Variants in DELE1 observed in about 807,000 individuals in gnomAD.
The protein encoded by DELE1 is death ligand signal enhancer.
A neutral mutation model predicts 59.3 loss-of-function variants in DELE1; 54 were observed. The observed-to-expected ratio is 0.91, with a 90% CI of 0.73 to 1.14. The LOEUF (loss-of-function observed/expected upper bound fraction) is 1.14. Among genes scored for constraint, DELE1 ranks in the 50% most tolerant of loss-of-function variants. DELE1 has a pLI of 0.00. For synonymous variants in DELE1, 264 were observed against 259.1 expected, an observed-to-expected ratio of 1.02 and a Z score of -0.18; for missense variants, 636 against 643.9, an observed-to-expected ratio of 0.99 and a Z score of 0.13.
intron 11 of DELE1, among the ~76,000 whole-genome samples, 177 bp from the exon 12 acceptor site, chr5:141,938,344 T>C (rs537058075): frequency 1.5e-4 from 23 of 152,156 alleles, no homozygotes; most frequent in Admixed American, 2.6e-4. Flanking sequence ...AGAGACAATA[T>C]CCCAAGGTTG....
In DELE1 at chr5:141,934,312, C is replaced by T. The variant is rs768960289; in HGVS notation, c.970C>T (p.Leu324=). 1.2e-6 allele frequency: 2 copies of T among 1,614,200 alleles called. No individual in the cohort carries two copies. Among genetic ancestry groups the T allele is most frequent in the South Asian group, 1.1e-5 (1 of 91,086 alleles). The change falls in exon 9 of 12, where the codon CTA becomes TTA. Residue 324 remains leucine (L), a synonymous_variant. Coordinates refer to ENST00000432126, the MANE Select transcript of DELE1 (RefSeq NM_014773.5). ...TCAGTACCGCTATGCCAGGTGCCTA[C>T]TACGAGACCCAGCCTCTTCGTGGAA... The part of the protein sequence containing the change: ...LAQYRYARCL[L]RDPASSWNPE...
At chr5:141,925,215 A>G (rs1445611677) in intron 2 of DELE1, among the ~76,000 whole-genome samples, 195 bp from the exon 3 acceptor site, 1 of 152,048 alleles carries the variant, frequency 6.6e-6, no homozygotes, top group Non-Finnish European at 1.5e-5. Flanking sequence ...AGTGTGAGCC[A>G]CTGTACCCAG....
chr5:141,934,267 A>G lies in DELE1; in HGVS notation c.925A>G (p.Ser309Gly), dbSNP rs767045756. Residue 309 changes from serine (S) to glycine (G), a missense_variant, in exon 9 of 12, where the codon AGC (serine) becomes GGC (glycine). Physicochemically the swap from Ser to Gly is moderately conservative, Grantham distance 56. Coordinates refer to ENST00000432126, the MANE Select transcript of DELE1 (RefSeq NM_014773.5). The stretch of plus-strand genomic sequence containing the variant: ...GGTCCTTTATTATCAGTTGGCTGCC[A>G]GCCAGGGCCACAGCCTGGCTCAGTA... ...KAVLYYQLAA[S>G]QGHSLAQYRY... The G allele has an allele frequency of 1.2e-6, 2 of 1,612,274 alleles. No individual in the cohort carries two copies. The highest frequency in any genetic ancestry group is 8.5e-7 in the Non-Finnish European group (1 of 1,178,826).
At chr5:141,924,990 C>T (rs1378982554) in intron 2 of DELE1, among the ~76,000 whole-genome samples, 4 of 151,936 alleles carry the variant, frequency 2.6e-5, no homozygotes, top group Non-Finnish European at 5.9e-5. Context: ...TGCAGTGGCG[C>T]GATCTTGGCT....
Position 141,941,876 on chromosome 5 carries a change from T to G in DELE1, c.*3117T>G. 2.0e-6 allele frequency: 2 copies of G among 985,274 alleles called. No homozygotes were observed. The highest frequency in any genetic ancestry group is 2.4e-6 in the Non-Finnish European group (2 of 829,886). 61.0% of individuals were successfully genotyped at this position (985,274 alleles called of 1,614,324 possible). ...AGCACCAAGCCTACCCAGCACATAG[T>G]AGGTACTTTAAGTAATTTGAATGAA... is the stretch of plus-strand genomic sequence containing the variant. On this transcript the variant is annotated 3_prime_UTR_variant, in exon 12 of 12. Transcript: ENST00000432126.
chr5:141,939,841 T>C lies in DELE1; in HGVS notation c.*1082T>C, dbSNP rs1420235342. The stretch of plus-strand genomic sequence containing the variant: ...ACCTTAGAAGACAAATGCAAGGGCA[T>C]TTCACCACAGAGAGGACCTTTGTGC... On this transcript the variant is annotated 3_prime_UTR_variant, in exon 12 of 12. Coordinates refer to ENST00000432126, the MANE Select transcript of DELE1 (RefSeq NM_014773.5). The C allele has an allele frequency of 1.7e-6, 1 of 572,766 alleles. No homozygotes were observed. Among genetic ancestry groups the C allele is most frequent in the African/African-American group, 2.0e-5 (1 of 48,796 alleles). The allele number at this position is 572,766 out of a possible 1,614,324, so 35.5% of individuals were successfully genotyped here.
At position 141,933,269 on chromosome 5, in the gene DELE1, C is replaced by T. The variant is rs776837449; in HGVS notation, c.765C>T (p.Asn255=). ...SIAFNFLGTE[N]MKSGDHTAAF... Reference sequence around the variant, plus strand: ...TGTGCCTTCTTACAGGAACAGAGAACATGAAGAGTGGCGACCACACGGCAG... The same window carrying T: ...TGTGCCTTCTTACAGGAACAGAGAATATGAAGAGTGGCGACCACACGGCAG... Residue 255 remains asparagine (N), a synonymous_variant, in exon 8 of 12, where the codon AAC becomes AAT. Transcript: ENST00000432126. The T allele has an allele frequency of 1.3e-6, 2 of 1,555,518 alleles. No individual in the cohort carries two copies. The highest frequency in any genetic ancestry group is 1.7e-5 in the Admixed American group (1 of 58,348).
chr5:141,925,554 A>AC (rs1751333163), intron 3 of DELE1, 27 bp downstream of exon 3: 1 of 1,464,312 alleles, frequency 6.8e-7, no homozygotes, highest in Non-Finnish European at 9.4e-7. Flanking sequence ...CTGGTCCTTG[A>AC]CCTTCAGTGT....
chr5:141,925,423 G>A lies in DELE1; in HGVS notation c.160G>A (p.Gly54Ser). 1 of 1,589,092 alleles carries A rather than the reference G, an allele frequency of 6.3e-7. No individual in the cohort carries two copies. Among genetic ancestry groups the A allele is most frequent in the Non-Finnish European group, 8.6e-7 (1 of 1,168,448 alleles). ...VPNLDRSGPH[G>S]PGTSGGPRSH... ...TTCATCATCTAGGTCAGGTCCCCAT[G>A]GCCCAGGCACGAGCGGGGGTCCAAG... Residue 54 changes from glycine to serine, a missense_variant, in exon 3 of 12, where the codon GGC becomes AGC. By Grantham distance (56) the Gly-to-Ser change is moderately conservative (BLOSUM62 0). Coordinates refer to ENST00000432126, the MANE Select transcript of DELE1 (RefSeq NM_014773.5).
In DELE1 at chr5:141,924,645, G is replaced by A; in HGVS notation, c.96G>A (p.Gly32=). ...RVTPKSTSPD[G]PQTTSSTLLV... ...CTCCTAAGTCCACCAGCCCAGATGGGCCTCAGACTACCTCCTCCACTTTGC... is the reference window on the plus strand; with the variant it reads ...CTCCTAAGTCCACCAGCCCAGATGGACCTCAGACTACCTCCTCCACTTTGC... Residue 32 remains glycine, a synonymous_variant, in exon 2 of 12, where the codon GGG becomes GGA. Coordinates refer to ENST00000432126, the MANE Select transcript of DELE1 (RefSeq NM_014773.5). 1.2e-6 allele frequency: 2 copies of A among 1,614,096 alleles called. No homozygotes were observed. Among genetic ancestry groups the A allele is most frequent in the Non-Finnish European group, 8.5e-7 (1 of 1,179,980 alleles).
At chr5:141,934,919 G>T in intron 10 of DELE1, 1 of 304,074 alleles carries the variant, frequency 3.3e-6, no homozygotes, top group Non-Finnish European at 6.2e-6. Context: ...ACACTACTGG[G>T]CCTGGTCACT....
rs141299436 is a variant in DELE1 at position 141,933,915 on chromosome 5, GC to G, written c.898-316del. ...GTGATCTAAGTCTCTCTCTCTCTCT[GC>G]CCCCCCCCACACATATGTGCGTGCA... On this transcript the variant is annotated intron_variant, in intron 8 of 11. Coordinates refer to ENST00000432126, the MANE Select transcript of DELE1 (RefSeq NM_014773.5). The G allele has an allele frequency of 2.9e-3, 527 of 182,622 alleles. 3 individuals are homozygous for G. The highest frequency in any genetic ancestry group is 9.4e-3 in the East Asian group (66 of 7,024). 11.3% of individuals were successfully genotyped at this position (182,622 alleles called of 1,614,324 possible).
In DELE1 at chr5:141,930,069, GAAA is replaced by G; in HGVS notation, c.654_656del (p.Lys219del). Reference sequence around the variant, plus strand: ...ACCAGCCCAGCCTCAGCCCACTGGTGAAAAGGTATTATCCAGATTTGGCCACCT... The same window carrying G: ...ACCAGCCCAGCCTCAGCCCACTGGTGAGGTATTATCCAGATTTGGCCACCT... On this transcript the variant is annotated inframe_deletion and splice_region_variant, in exon 6 of 12. Transcript: ENST00000432126. The G allele has an allele frequency of 6.2e-7, 1 of 1,614,130 alleles. No homozygotes were observed. The highest frequency in any genetic ancestry group is 8.5e-7 in the Non-Finnish European group (1 of 1,180,006).
Position 141,941,603 on chromosome 5 carries a change from G to C in DELE1, c.*2844G>C. On this transcript the variant is annotated 3_prime_UTR_variant, in exon 12 of 12. Transcript: ENST00000432126. ...GAGGTGGCTCCCATCAGCAGGGCCA[G>C]CCTGGGTCAGGATGCTGGGTTAAAG... 1 of 985,496 alleles carries C rather than the reference G, an allele frequency of 1.0e-6. No individual in the cohort carries two copies. The highest frequency in any genetic ancestry group is 1.2e-6 in the Non-Finnish European group (1 of 829,978). 61.0% of individuals were successfully genotyped at this position (985,496 alleles called of 1,614,324 possible). A position where few individuals can be genotyped will look rare whatever the true frequency, so the allele number is the denominator to read the frequency against.
In DELE1 at chr5:141,934,521, A is replaced by G. The variant is rs1752208473; in HGVS notation, c.1084A>G (p.Thr362Ala). 6.2e-7 allele frequency: 1 copy of G among 1,614,234 alleles called. No individual in the cohort carries two copies. The change falls in exon 10 of 12, where the codon ACC becomes GCC. Residue 362 changes from threonine (T) to alanine (A), a missense_variant. Transcript: ENST00000432126. The part of the protein sequence containing the change: ...EAQAFLGVLF[T>A]KEPYLDEQRA... Reference sequence around the variant, plus strand: ...CCAAGCTTTCCTCGGGGTGCTTTTCACCAAGGAGCCCTACCTGGATGAGCA... The same window carrying G: ...CCAAGCTTTCCTCGGGGTGCTTTTCGCCAAGGAGCCCTACCTGGATGAGCA...
At position 141,940,848 on chromosome 5, in the gene DELE1, C is replaced by G; in HGVS notation, c.*2089C>G. ...TCAGGGTTTTAAGCTGTGCAGTGCA[C>G]TAAGCTCTCTGCCAAAAAACAAACA... On this transcript the variant is annotated 3_prime_UTR_variant, in exon 12 of 12. Coordinates refer to ENST00000432126, the MANE Select transcript of DELE1 (RefSeq NM_014773.5). 1.0e-6 allele frequency: 1 copy of G among 985,434 alleles called. No individual in the cohort carries two copies. The highest frequency in any genetic ancestry group is 1.2e-6 in the Non-Finnish European group (1 of 829,952). The allele number at this position is 985,434 out of a possible 1,614,324, so 61.0% of individuals were successfully genotyped here.
chr5:141,924,306 C>G (rs1051340166), intron 1 of DELE1, among the ~76,000 whole-genome samples: 1 of 152,062 alleles, frequency 6.6e-6, no homozygotes, highest in African/African-American at 2.4e-5. Flanking sequence ...TCAAAGAGCC[C>G]CAAACATTAG....
intron 1 of DELE1, 80 bp downstream of exon 1, chr5:141,924,052 C>A: frequency 1.9e-6 from 3 of 1,542,142 alleles, no homozygotes; most frequent in Non-Finnish European, 2.6e-6. Context: ...AGGAAACAGC[C>A]GAAGCGATCG....
intron 1 of DELE1, among the ~76,000 whole-genome samples, chr5:141,924,336 G>A (rs1363553248): frequency 6.6e-6 from 1 of 152,176 alleles, no homozygotes; most frequent in Non-Finnish European, 1.5e-5. Flanking sequence ...ATGTATGAAC[G>A]TTTGGTCATC....
Sources: gnomAD v4.1 joint callset for allele counts (sites outside exome capture counted in the v4.1 genomes callset) on GRCh38, gnomAD v4.1.1 for gene constraint, MANE v1.5 for transcripts, NCBI Gene and HGNC (gene_info 2026-07-23, HGNC 2026-07-21) for gene names.